The following CNNM3 variants were observed in gnomAD, a reference collection of about 807,000 sequenced individuals.
The protein encoded by CNNM3 is cyclin and CBS domain divalent metal cation transport mediator 3, also known as metal transporter CNNM3.
CNNM3 carries 47 observed loss-of-function variants against 57.1 expected under a neutral mutation model. The ratio of observed to expected loss-of-function variants is 0.82; its 90% CI spans 0.65 to 1.05. The LOEUF is 1.05. Among genes scored for constraint, CNNM3 ranks in the 50% least tolerant of loss-of-function variants. The probability of loss-of-function intolerance (pLI) is 0.00; values close to 1 mark genes in which losing one functional copy is unlikely to be tolerated. For synonymous variants in CNNM3, 507 were observed against 478.2 expected, an observed-to-expected ratio of 1.06 and a Z score of -0.79; for missense variants, 957 against 973.7, an observed-to-expected ratio of 0.98 and a Z score of 0.23.
At chr2:96,829,220 C>G in intron 7 of CNNM3, 86 bp downstream of exon 7, 1 of 1,452,330 alleles carries the variant, frequency 6.9e-7, no homozygotes, top group Non-Finnish European at 9.1e-7. Flanking sequence ...TCGCCGCCCC[C>G]CCACCCTCTG....
intron 1 of CNNM3, among the ~76,000 whole-genome samples, chr2:96,823,613 A>G (rs1461747956): frequency 2.6e-5 from 4 of 152,218 alleles, no homozygotes; most frequent in Non-Finnish European, 5.9e-5. Context: ...TGTCCAGGGC[A>G]ATGCAAGCAT....
At chr2:96,819,629 C>T (rs1311549728) in intron 1 of CNNM3, among the ~76,000 whole-genome samples, 1 of 152,132 alleles carries the variant, frequency 6.6e-6, no homozygotes, top group Non-Finnish European at 1.5e-5. Context: ...AAGTGGAAGA[C>T]TGTAGCTGTC....
In CNNM3 at chr2:96,829,233, T is replaced by C. The variant is rs2079561789; in HGVS notation, c.2059+99T>C. The C allele has an allele frequency of 2.2e-6, 3 of 1,394,308 alleles. No individual in the cohort carries two copies. In the African/African-American group the frequency reaches 4.3e-5, roughly 20 times the overall value. The allele number at this position is 1,394,308 out of a possible 1,614,324, so 86.4% of individuals were successfully genotyped here. ...TCTCGCCGCCCCCCCACCCTCTGTC[T>C]TTTTTCTCTCTTTTCTCCCCATCCT... On this transcript the variant is annotated intron_variant, in intron 7 of 7. Transcript: ENST00000305510.
chr2:96,824,060 CT>C (rs984116614), intron 1 of CNNM3, among the ~76,000 whole-genome samples: 6 of 152,120 alleles, frequency 3.9e-5, no homozygotes, highest in African/African-American at 1.4e-4. Flanking sequence ...TTTCTTTTGA[CT>C]TTTTTAATGC....
At chr2:96,829,256 C>G in intron 7 of CNNM3, 122 bp downstream of exon 7, 1 of 1,304,976 alleles carries the variant, frequency 7.7e-7, no homozygotes, top group Non-Finnish European at 9.8e-7. Flanking sequence ...TTCTCCCCAT[C>G]CTTTTCCCTT....
rs1327052881 is a variant in CNNM3 at position 96,827,670 on chromosome 2, G to A, written c.1520-61G>A. On this transcript the variant is annotated intron_variant, in intron 3 of 7. Coordinates refer to ENST00000305510, the MANE Select transcript of CNNM3 (RefSeq NM_017623.5). ...AACTTTAAATTGCCTACAGTGTTGG[G>A]TGTGGTTCCACTGGCCACTAGGCCC... 4 of 1,534,822 alleles carry A rather than the reference G, an allele frequency of 2.6e-6. No individual in the cohort carries two copies. In the Admixed American group the frequency reaches 5.2e-5, roughly 20 times the overall value.
At chr2:96,830,409 C>T (rs2079581592) in intron 7 of CNNM3, among the ~76,000 whole-genome samples, 2 of 152,200 alleles carry the variant, frequency 1.3e-5, no homozygotes, top group Non-Finnish European at 2.9e-5. Context: ...GAGAGAAGGC[C>T]CAGGGACTCT....
Position 96,826,856 on chromosome 2 carries a change from C to T in CNNM3, c.1393C>T (p.Pro465Ser). Reference sequence around the variant, plus strand: ...AGGAGACACCGTGGTGAAGAGGAAGCCTGCTTCTCTGATGGCCCCTCTGAA... The same window carrying T: ...AGGAGACACCGTGGTGAAGAGGAAGTCTGCTTCTCTGATGGCCCCTCTGAA... ...DYRDTVVKRK[P>S]ASLMAPLKRK... Residue 465 changes from proline (P) to serine (S), a missense_variant, in exon 3 of 8, where the codon CCT becomes TCT. Physicochemically the swap from Pro to Ser is moderately conservative, Grantham distance 74. This residue lies in a region of CNNM3 where 491 missense variants were observed against 570.6 expected (regional missense o/e 0.86). Transcript: ENST00000305510. The T allele has an allele frequency of 6.2e-7, 1 of 1,614,184 alleles. No homozygotes were observed. The highest frequency in any genetic ancestry group is 8.5e-7 in the Non-Finnish European group (1 of 1,180,014).
chr2:96,832,176 G>A, intron 7 of CNNM3: 2 of 1,028,032 alleles, frequency 1.9e-6, no homozygotes, highest in South Asian at 3.7e-5. Flanking sequence ...TTTCTCCAGG[G>A]GTGTGGGGTG....
At chr2:96,831,012 C>A (rs758409814) in intron 7 of CNNM3, among the ~76,000 whole-genome samples, 4 of 152,174 alleles carry the variant, frequency 2.6e-5, no homozygotes, top group Non-Finnish European at 5.9e-5. Context: ...TCAGACTGCA[C>A]GTGTTGTAGT....
Position 96,817,160 on chromosome 2 carries a change from C to CGCG in CNNM3, c.893_895dup (p.Gly298dup), listed in dbSNP as rs2079335354. On this transcript the variant is annotated inframe_insertion, in exon 1 of 8. Coordinates refer to ENST00000305510, the MANE Select transcript of CNNM3 (RefSeq NM_017623.5). ...GCGGGAGCGGGTGCTGGAGCTGGCG[C>CGCG]GCGGCGGCGGCGACCCCTACAGCGA... 10 of 1,431,998 alleles carry CGCG rather than the reference C, an allele frequency of 7.0e-6. No individual in the cohort carries two copies. The highest frequency in any genetic ancestry group is 1.6e-5 in the South Asian group (1 of 64,308). The allele number at this position is 1,431,998 out of a possible 1,614,324, so 88.7% of individuals were successfully genotyped here.
Position 96,832,704 on chromosome 2 carries a change from C to T in CNNM3, c.*88C>T. On this transcript the variant is annotated 3_prime_UTR_variant, in exon 8 of 8. Transcript: ENST00000305510. ...GAGCAGAAGTTTTGTGCCCGCCTGC[C>T]CCCATCCCCTCCAGGCCACGTTTTA... The T allele has an allele frequency of 6.3e-7, 1 of 1,591,262 alleles. No individual in the cohort carries two copies. Among genetic ancestry groups the T allele is most frequent in the South Asian group, 1.1e-5 (1 of 90,298 alleles).
Position 96,832,714 on chromosome 2 carries a change from T to G in CNNM3, c.*98T>G. ...TTTGTGCCCGCCTGCCCCCATCCCC[T>G]CCAGGCCACGTTTTAGATGGCCCTT... On this transcript the variant is annotated 3_prime_UTR_variant, in exon 8 of 8. Coordinates refer to ENST00000305510, the MANE Select transcript of CNNM3 (RefSeq NM_017623.5). 1 of 1,582,790 alleles carries G rather than the reference T, an allele frequency of 6.3e-7. No homozygotes were observed. The highest frequency in any genetic ancestry group is 1.7e-5 in the Admixed American group (1 of 58,198).
At chr2:96,824,899 A>G in intron 1 of CNNM3, 159 bp from the exon 2 acceptor site, 1 of 726,954 alleles carries the variant, frequency 1.4e-6, no homozygotes. Context: ...TCACGCTGGG[A>G]GTCTTAAGTA....
intron 2 of CNNM3, 151 bp from the exon 3 acceptor site, chr2:96,826,682 G>A (rs983445809): frequency 3.7e-5 from 31 of 827,800 alleles, no homozygotes; most frequent in Non-Finnish European, 5.2e-5. Context: ...TGGAGGGAGC[G>A]GTGCTGAGGA....
chr2:96,836,768 T>G (rs1416147816), downstream of CNNM3: 1 of 152,258 alleles, frequency 6.6e-6, no homozygotes, highest in African/African-American at 2.4e-5. Flanking sequence ...CTTTATGGAC[T>G]GTTGCTTTTA....
Position 96,829,117 on chromosome 2 carries a change from A to G in CNNM3, c.2042A>G (p.Lys681Arg), listed in dbSNP as rs760570294. 6.2e-7 allele frequency: 1 copy of G among 1,613,770 alleles called. No homozygotes were observed. The highest frequency in any genetic ancestry group is 8.5e-7 in the Non-Finnish European group (1 of 1,179,992). ...AGCCAGACCAGGCTCCTTGGTGAGAAGACCACCACAGCGGCAGGTGAGTGC... is the reference window on the plus strand; with the variant it reads ...AGCCAGACCAGGCTCCTTGGTGAGAGGACCACCACAGCGGCAGGTGAGTGC... ...PGSQTRLLGE[K>R]TTTAAGSSHS... Residue 681 changes from lysine to arginine, a missense_variant, in exon 7 of 8, where the codon AAG (lysine) becomes AGG (arginine). By Grantham distance (26) the Lys-to-Arg change is conservative. Coordinates refer to ENST00000305510, the MANE Select transcript of CNNM3 (RefSeq NM_017623.5).
chr2:96,828,499 C>T (rs137935828), intron 5 of CNNM3, 68 bp from the exon 6 acceptor site: 7 of 1,596,818 alleles, frequency 4.4e-6, no homozygotes, highest in Admixed American at 1.7e-5. Flanking sequence ...GTACAGTTGT[C>T]CCCACCAGGG....
intron 7 of CNNM3, among the ~76,000 whole-genome samples, chr2:96,830,637 A>G (rs998282901): frequency 3.3e-5 from 5 of 152,274 alleles, no homozygotes; most frequent in African/African-American, 1.2e-4. Flanking sequence ...CGTGCTGCTT[A>G]AGTCTTGGAT....
Sources: allele counts gnomAD v4.1 joint callset (sites outside exome capture counted in the v4.1 genomes callset), GRCh38; gene constraint gnomAD v4.1.1; regional missense constraint gnomAD v4.1.1; transcripts MANE v1.5; gene names NCBI Gene and HGNC (gene_info 2026-07-23, HGNC 2026-07-21).